PDE11A: variants seen among roughly 807,000 people sequenced by gnomAD.
PDE11A encodes dual 3',5'-cyclic-AMP and -GMP phosphodiesterase 11A.
Under a neutral mutation model 100.5 loss-of-function variants are expected in PDE11A, and 100 were observed. The ratio of observed to expected loss-of-function variants is 1.00; its 90% CI spans 0.85 to 1.18. The LOEUF is 1.18. Among genes scored for constraint, PDE11A ranks in the 50% most tolerant of loss-of-function variants. The pLI, the probability that PDE11A is intolerant of heterozygous loss-of-function variation, is 0.00. For synonymous variants in PDE11A, 381 were observed against 420.8 expected (o/e 0.91, Z 1.16); for missense variants, 1,141 against 1,152.6 (o/e 0.99, Z 0.15).
rs549192107 is a variant in PDE11A, at chr2:177,624,580, G to C, written c.*4827C>G. 1 of 152,192 alleles carries C rather than the reference G, an allele frequency of 6.6e-6. No individual in the cohort carries two copies. Among genetic ancestry groups the C allele is most frequent in the African/African-American group, 2.4e-5 (1 of 41,534 alleles). The allele number at this position is 152,192 out of a possible 1,614,324, so 9.4% of individuals were successfully genotyped here. On this transcript the variant is annotated 3_prime_UTR_variant, in exon 20 of 20. Coordinates refer to ENST00000286063, the MANE Select transcript of PDE11A (RefSeq NM_016953.4). ...TATTGTTATTACACTAACACAAAAT[G>C]TTAAAGATGATTTCTAACCCAATGT...
chr2:177,851,204 C>T (rs2083694716), intron 5 of PDE11A, among the ~76,000 whole-genome samples: 1 of 152,130 alleles, frequency 6.6e-6, no homozygotes, highest in East Asian at 1.9e-4. Context: ...TACTATGCAG[C>T]CATAAAAAAG....
intron 5 of PDE11A, among the ~76,000 whole-genome samples, chr2:177,873,710 A>G (rs2105691932): frequency 6.6e-6 from 1 of 152,244 alleles, no homozygotes; most frequent in South Asian, 2.1e-4. Context: ...GAACTGATTT[A>G]CTTTCTCTTC....
intron 9 of PDE11A, among the ~76,000 whole-genome samples, chr2:177,791,196 A>G (rs2105535507): frequency 6.6e-6 from 1 of 152,232 alleles, no homozygotes; most frequent in South Asian, 2.1e-4. Context: ...ACCATGAAAT[A>G]CTATGCAGCC....
At chr2:177,924,562 T>G (rs945917534) in intron 2 of PDE11A, among the ~76,000 whole-genome samples, 1 of 152,134 alleles carries the variant, frequency 6.6e-6, no homozygotes, top group Non-Finnish European at 1.5e-5. Context: ...CTCCTTGATA[T>G]CAGAGTCAAT....
chr2:177,888,729 C>T (rs956532406), intron 4 of PDE11A: 9 of 818,698 alleles, frequency 1.1e-5, no homozygotes, highest in Non-Finnish European at 1.3e-5. Context: ...GATGAAGTAA[C>T]ATCTTTCCAC....
intron 2 of PDE11A, among the ~76,000 whole-genome samples, chr2:177,934,610 T>C (rs2085249598): frequency 6.6e-6 from 1 of 152,208 alleles, no homozygotes; most frequent in Non-Finnish European, 1.5e-5. Flanking sequence ...AGAACTACAA[T>C]TCAACCCAGC....
intron 9 of PDE11A, among the ~76,000 whole-genome samples, chr2:177,798,181 T>C (rs2082732320): frequency 1.3e-5 from 2 of 152,240 alleles, no homozygotes; most frequent in Middle Eastern, 3.2e-3. Context: ...AGCTCACTGC[T>C]ACCTGTCACT....
In PDE11A at chr2:177,679,726, T is replaced by C. The variant is rs570969373; in HGVS notation, c.2423+1100A>G. ...GCAGCCTGTAGGGATGACTTTTTGA[T>C]TGGGGAGGCAGAAGTGTGTTTTTAG... On this transcript the variant is annotated intron_variant, in intron 16 of 19. Transcript: ENST00000286063. Among the ~76,000 whole-genome samples, 48 of 152,110 alleles carry C rather than the reference T, an allele frequency of 3.2e-4. 2 individuals are homozygous for C. The South Asian group carries it at 8.5e-3, about 27-fold the overall frequency.
At chr2:177,687,732 T>C (rs925451365) in intron 15 of PDE11A, 2 of 152,220 alleles carry the variant, frequency 1.3e-5, no homozygotes, top group Non-Finnish European at 2.9e-5. Flanking sequence ...GGTCATAGAA[T>C]GACTTCTTTT....
At chr2:177,914,534 T>C (rs1443154205) in intron 2 of PDE11A, among the ~76,000 whole-genome samples, 3 of 152,180 alleles carry the variant, frequency 2.0e-5, no homozygotes, top group African/African-American at 7.2e-5. Context: ...AACTCACAGC[T>C]TCTGCAAAAA....
At chr2:177,930,261 A>T (rs530941968) in intron 2 of PDE11A, among the ~76,000 whole-genome samples, 20 of 152,330 alleles carry the variant, frequency 1.3e-4, no homozygotes, top group Admixed American at 5.9e-4. Context: ...AAGTTCCTTC[A>T]GTGCATGTAG....
chr2:177,938,209 G>A lies in PDE11A; in HGVS notation c.1072-33022C>T, dbSNP rs1559015055. On this transcript the variant is annotated intron_variant, in intron 2 of 19. Transcript: ENST00000286063. Reference sequence around the variant, plus strand: ...AGAGACAGAGTTTAGGGGACATGCTGCTTAGGATGCCTCCAAAAGTAGTGG... The same window carrying A: ...AGAGACAGAGTTTAGGGGACATGCTACTTAGGATGCCTCCAAAAGTAGTGG... Among the ~76,000 whole-genome samples the A allele has an allele frequency of 2.0e-5, 3 of 152,188 alleles. No individual in the cohort carries two copies. In the South Asian group the frequency reaches 6.2e-4, roughly 32 times the overall value.
intron 19 of PDE11A, among the ~76,000 whole-genome samples, chr2:177,659,697 G>A (rs986263436): frequency 6.6e-6 from 1 of 152,194 alleles, no homozygotes; most frequent in African/African-American, 2.4e-5. Context: ...AAATGATACT[G>A]TGACATGAGG....
intron 2 of PDE11A, among the ~76,000 whole-genome samples, chr2:177,962,832 T>C (rs569932046): frequency 3.5e-5 from 4 of 113,456 alleles, no homozygotes; most frequent in African/African-American, 2.0e-4. Context: ...GGGGAGATAA[T>C]AAAAAGCTAA....
At chr2:178,076,443 G>A (rs1172233673), upstream of PDE11A, among the ~76,000 whole-genome samples, 2 of 152,132 alleles carry the variant, frequency 1.3e-5, no homozygotes, top group South Asian at 2.1e-4. Context: ...AGTTCTTCTA[G>A]TACTATGCTT....
At chr2:178,045,655 C>CAGT (rs926060715) in intron 1 of PDE11A, among the ~76,000 whole-genome samples, 148 of 152,172 alleles carry the variant, frequency 9.7e-4, no homozygotes, top group African/African-American at 3.1e-3. Context: ...TCACTACTGT[C>CAGT]AGTAGTAGTA....
chr2:177,757,365 G>A (rs2082104486), intron 10 of PDE11A, among the ~76,000 whole-genome samples: 1 of 152,174 alleles, frequency 6.6e-6, no homozygotes, highest in South Asian at 2.1e-4. Context: ...CCTTAAATGG[G>A]ATAGAGCCGC....
chr2:178,038,732 A>G (rs2086647132), intron 1 of PDE11A, among the ~76,000 whole-genome samples: 1 of 152,140 alleles, frequency 6.6e-6, no homozygotes, highest in Non-Finnish European at 1.5e-5. Flanking sequence ...TGGGAGGTAA[A>G]TGAGGACCCT....
At chr2:177,957,309 G>A (rs2085577591) in intron 2 of PDE11A, among the ~76,000 whole-genome samples, 1 of 152,060 alleles carries the variant, frequency 6.6e-6, no homozygotes, top group Non-Finnish European at 1.5e-5. Context: ...TATTTTCAAT[G>A]GTCTCAGAAC....
Sources: allele counts gnomAD v4.1 joint callset (sites outside exome capture counted in the v4.1 genomes callset), GRCh38; gene constraint gnomAD v4.1.1; transcripts MANE v1.5; gene names NCBI Gene and HGNC (gene_info 2026-07-23, HGNC 2026-07-21).